The following GREB1 variants were observed in gnomAD, a reference collection of about 807,000 sequenced individuals.
GREB1 encodes growth regulating estrogen receptor binding 1.
Under a neutral mutation model 200.7 loss-of-function variants are expected in GREB1, and 106 were observed. The observed-to-expected ratio is 0.53, with a 90% CI of 0.45 to 0.62. The LOEUF (loss-of-function observed/expected upper bound fraction) is 0.62. Ranked by LOEUF, GREB1 falls within the 20% of genes least tolerant of loss-of-function variation. The probability of loss-of-function intolerance (pLI) is 0.00; values close to 1 mark genes in which losing one functional copy is unlikely to be tolerated. For synonymous variants in GREB1, 1,132 were observed against 1,092.4 expected, an observed-to-expected ratio of 1.04 and a Z score of -0.72; for missense variants, 2,243 against 2,556.8, an observed-to-expected ratio of 0.88 and a Z score of 2.65.
In GREB1 at chr2:11,616,664, G is replaced by C; in HGVS notation, c.3356G>C (p.Arg1119Thr). 1 of 1,613,254 alleles carries C rather than the reference G, an allele frequency of 6.2e-7. No individual in the cohort carries two copies. Among genetic ancestry groups the C allele is most frequent in the Non-Finnish European group, 8.5e-7 (1 of 1,179,158 alleles). The change falls in exon 21 of 33, where the codon AGG (arginine) becomes ACG (threonine). Residue 1119 changes from arginine to threonine, a missense_variant. Around this residue, in one of 3 missense-constraint regions of GREB1, gnomAD observed 587 missense variants for 553.1 expected, o/e 1.06. Transcript: ENST00000381486. ...STSEKRSPMK[R>T]ERSRSHDSAS... The stretch of plus-strand genomic sequence containing the variant: ...TCGGAGAAGAGAAGCCCCATGAAAA[G>C]GGAGAGGTCCCGCTCCCACGACTCA...
intron 7 of GREB1, among the ~76,000 whole-genome samples, chr2:11,583,119 G>T (rs1294438638): frequency 6.6e-6 from 1 of 152,226 alleles, no homozygotes; most frequent in Non-Finnish European, 1.5e-5. Flanking sequence ...GCAGTTCCTG[G>T]TGACATCATT....
Position 11,510,596 on chromosome 2 carries a change from A to G in GREB1, c.-159+28215A>G, listed in dbSNP as rs546383425. On this transcript the variant is annotated intron_variant, in intron 1 of 2. Coordinates refer to the GREB1 transcript ENST00000628795. ...GCTTGGTTCTTTTCCTTTATCCACC[A>G]GTTTTCAGGATAATGAGTTCATTTC... is the stretch of plus-strand genomic sequence containing the variant. Among the ~76,000 whole-genome samples the G allele has an allele frequency of 4.6e-5, 7 of 152,192 alleles. No homozygotes were observed. In the South Asian group the frequency reaches 1.5e-3, roughly 32 times the overall value.
chr2:11,585,080 C>A (rs1239924780), intron 7 of GREB1, 81 bp from the exon 8 acceptor site: 19 of 667,074 alleles, frequency 2.8e-5, no homozygotes, highest in Middle Eastern at 2.6e-4. Context: ...CAAAACAGAT[C>A]ATTGTTCTCC....
intron 1 of GREB1, among the ~76,000 whole-genome samples, chr2:11,486,447 G>A (rs1253025488): frequency 6.6e-6 from 1 of 152,092 alleles, no homozygotes; most frequent in Non-Finnish European, 1.5e-5. Context: ...ACCTCGCCCA[G>A]CCTAATTGTA....
intron 1 of GREB1, among the ~76,000 whole-genome samples, chr2:11,525,836 A>T (rs1673854827): frequency 6.6e-6 from 1 of 151,864 alleles, no homozygotes; most frequent in African/African-American, 2.4e-5. Context: ...CTGTGAACTC[A>T]CCTCCTGCCT....
At position 11,595,517 on chromosome 2, in the gene GREB1, A is replaced by G. The variant is rs1342193205; in HGVS notation, c.1825+138A>G. 3.8e-6 allele frequency: 3 copies of G among 785,146 alleles called. No individual in the cohort carries two copies. The East Asian group carries it at 8.2e-5, about 21-fold the overall frequency. The allele number at this position is 785,146 out of a possible 1,614,324, so 48.6% of individuals were successfully genotyped here. A position where few individuals can be genotyped will look rare whatever the true frequency, so the allele number is the denominator to read the frequency against. ...CTGCAGAGTGCCCCTCATTCTGTGC[A>G]CTTGCACTTCTGTCCCTTTCTTTTC... On this transcript the variant is annotated intron_variant, in intron 12 of 32. Transcript: ENST00000381486.
In GREB1 at chr2:11,566,481, GT is replaced by G; in HGVS notation, c.283del (p.Cys95AlafsTer81). 6.2e-7 allele frequency: 1 copy of G among 1,606,476 alleles called. No individual in the cohort carries two copies. Among genetic ancestry groups the G allele is most frequent in the Non-Finnish European group, 8.5e-7 (1 of 1,175,738 alleles). On this transcript the variant is annotated frameshift_variant and splice_region_variant, in exon 4 of 33. Coordinates refer to ENST00000381486, the MANE Select transcript of GREB1 (RefSeq NM_014668.4). LOFTEE classifies it high-confidence loss of function. ...GTGAACCCTGTCCACCCCTCCTAGG[GT>G]TTTGCCAGGCCGGGAAGGACCTGCG... The part of the protein sequence containing the change: ...LPEGCCTTDG[F>X]CQAGKDLRLV...
chr2:11,567,102 A>G (rs1219687161), intron 4 of GREB1, among the ~76,000 whole-genome samples: 2 of 151,972 alleles, frequency 1.3e-5, no homozygotes, highest in East Asian at 3.9e-4. Flanking sequence ...CTCTCAATAC[A>G]TGGTCTGTTT....
At chr2:11,618,074 C>G (rs1683585291) in intron 21 of GREB1, among the ~76,000 whole-genome samples, 1 of 152,180 alleles carries the variant, frequency 6.6e-6, no homozygotes, top group African/African-American at 2.4e-5. Flanking sequence ...GGGGCAGAAA[C>G]AGGAGCCGCC....
chr2:11,508,516 G>A (rs1673246961), intron 1 of GREB1, among the ~76,000 whole-genome samples: 1 of 152,150 alleles, frequency 6.6e-6, no homozygotes, highest in Non-Finnish European at 1.5e-5. Context: ...GGTTTGTTTT[G>A]CATCCTTCCT....
chr2:11,497,968 A>C (rs925153976), intron 1 of GREB1, among the ~76,000 whole-genome samples: 2 of 124,744 alleles, frequency 1.6e-5, no homozygotes, highest in African/African-American at 6.3e-5. Flanking sequence ...TTGCAGAGCA[A>C]AACTTTTTTT....
chr2:11,592,450 T>C (rs1242143112), intron 10 of GREB1, among the ~76,000 whole-genome samples: 1 of 152,060 alleles, frequency 6.6e-6, no homozygotes, highest in East Asian at 1.9e-4. Flanking sequence ...TAGGTGTGTG[T>C]GGCCAAAGAG....
chr2:11,640,344 G>C lies in GREB1; in HGVS notation c.5740G>C (p.Val1914Leu). The change falls in exon 33 of 33, where the codon GTC (valine) becomes CTC (leucine). Residue 1914 changes from valine to leucine, a missense_variant. Physicochemically the swap from Val to Leu is conservative, Grantham distance 32. This residue lies in a region of GREB1 where 478 missense variants were observed against 616.3 expected (regional missense o/e 0.78). Coordinates refer to ENST00000381486, the MANE Select transcript of GREB1 (RefSeq NM_014668.4). The surrounding 1 kb of genome is among the most constrained non-coding windows in gnomAD (Gnocchi z 4.6). ...CCGGAGCTCACTGCGCCAGACGGTC[G>C]TCCGCCTGGAGCTCGAGGACGAGTG... ...QDRSSLRQTVVRLELEDEWQF... is the reference protein window; with the variant it reads ...QDRSSLRQTVLRLELEDEWQF... 1 of 1,614,140 alleles carries C rather than the reference G, an allele frequency of 6.2e-7. No individual in the cohort carries two copies. The highest frequency in any genetic ancestry group is 2.2e-5 in the East Asian group (1 of 44,874).
chr2:11,625,897 C>T (rs1426526333), intron 24 of GREB1, among the ~76,000 whole-genome samples: 1 of 152,172 alleles, frequency 6.6e-6, no homozygotes, highest in Non-Finnish European at 1.5e-5. Context: ...GCTGGGGAGG[C>T]TTCACAATCG....
At chr2:11,606,860 G>A (rs1682349051) in intron 17 of GREB1, among the ~76,000 whole-genome samples, 1 of 151,598 alleles carries the variant, frequency 6.6e-6, no homozygotes, top group Non-Finnish European at 1.5e-5. Flanking sequence ...TTGGCTCACT[G>A]AAACCTCTGC....
At chr2:11,617,286 GC>G (rs1683496373) in intron 21 of GREB1, among the ~76,000 whole-genome samples, 1 of 152,204 alleles carries the variant, frequency 6.6e-6, no homozygotes, top group South Asian at 2.1e-4. Flanking sequence ...GGAGGGCAGA[GC>G]CCCTGGTGAG....
In GREB1 at chr2:11,596,124, C is replaced by T. The variant is rs556316444; in HGVS notation, c.1839C>T (p.Asp613=). ...TGTCTTGGGCAGAGGGTGACATTGA[C>T]ATTTTGCTGGACAAATTTCACCAGG... The part of the protein sequence containing the change: ...FSTLCPEGDI[D]ILLDKFHQEN... Residue 613 remains aspartate (D), a synonymous_variant, in exon 13 of 33, where the codon GAC becomes GAT. Coordinates refer to ENST00000381486, the MANE Select transcript of GREB1 (RefSeq NM_014668.4). 23 of 1,613,442 alleles carry T rather than the reference C, an allele frequency of 1.4e-5. 1 individual carries two copies. The South Asian group carries it at 2.5e-4, about 18-fold the overall frequency.
intron 6 of GREB1, among the ~76,000 whole-genome samples, chr2:11,579,601 G>T (rs1327852843): frequency 1.3e-5 from 2 of 152,276 alleles, no homozygotes; most frequent in East Asian, 3.9e-4. Context: ...GGCATAGGGA[G>T]GTTAAGTAAG....
At chr2:11,590,068 T>C (rs1680577258) in intron 10 of GREB1, among the ~76,000 whole-genome samples, 1 of 151,948 alleles carries the variant, frequency 6.6e-6, no homozygotes, top group South Asian at 2.1e-4. Context: ...AGTGCCAAGG[T>C]TTGGGCCTGG....
Sources: gnomAD v4.1 joint callset for allele counts (sites outside exome capture counted in the v4.1 genomes callset) on GRCh38, gnomAD v4.1.1 for gene constraint, gnomAD v4.1.1 regional missense constraint, Gnocchi (gnomAD v3.1) non-coding constraint, MANE v1.5 for transcripts, NCBI Gene and HGNC (gene_info 2026-07-23, HGNC 2026-07-21) for gene names.